Variants in CHRM2 observed in about 807,000 individuals in gnomAD.
CHRM2 encodes the protein cholinergic receptor muscarinic 2.
CHRM2 carries 8 observed loss-of-function variants against 25.0 expected under a neutral mutation model. The observed-to-expected ratio is 0.32, with a 90% CI of 0.19 to 0.58. The LOEUF is 0.58. Ranked by LOEUF, CHRM2 falls within the 20% of genes least tolerant of loss-of-function variation. The pLI is 0.88. For missense variants in CHRM2, 440 were observed against 567.1 expected (o/e 0.78, Z 2.28); for synonymous variants, 202 against 205.7 (o/e 0.98, Z 0.15).
chr7:136,931,002 T>G (rs969575478), intron 2 of CHRM2, among the ~76,000 whole-genome samples: 1 of 151,114 alleles, frequency 6.6e-6, no homozygotes, highest in Admixed American at 6.6e-5. Flanking sequence ...AGGATGTCAG[T>G]CACAGGAACA....
chr7:136,997,662 T>C (rs1009009620), intron 3 of CHRM2, among the ~76,000 whole-genome samples: 35 of 152,296 alleles, frequency 2.3e-4, no homozygotes, highest in African/African-American at 7.7e-4. Context: ...CATAATACTG[T>C]ACAAGAAAGA....
chr7:136,947,855 G>A (rs1341001181), intron 2 of CHRM2, among the ~76,000 whole-genome samples: 1 of 152,110 alleles, frequency 6.6e-6, no homozygotes, highest in Admixed American at 6.6e-5. Context: ...TGGCAAGGAT[G>A]GGTAACTAGG....
At chr7:136,871,907 T>C (rs148428863) in intron 2 of CHRM2, 26 of 149,914 alleles carry the variant, frequency 1.7e-4, no homozygotes, top group African/African-American at 5.6e-4. Context: ...ATTATTATTG[T>C]TACTACTATT....
Position 137,015,658 on chromosome 7 carries a change from GCC to G in CHRM2, c.797_798del (p.Pro266GlnfsTer6). ...GCACAACAAAATCCAGAATGGCAAAGCCCCCAGGGATCCTGTGACTGAAAACT... is the reference window on the plus strand; with the variant it reads ...GCACAACAAAATCCAGAATGGCAAAGCCCAGGGATCCTGTGACTGAAAACT... ...LEHNKIQNGK[A>X]PRDPVTENCV... is the part of the protein sequence containing the mutation. On this transcript the variant is annotated frameshift_variant, in exon 4 of 4. Transcript: ENST00000680005. LOFTEE classifies it high-confidence loss of function. The surrounding 1 kb of genome is among the most constrained non-coding windows in gnomAD (Gnocchi z 5.1). 1 of 1,613,050 alleles carries G rather than the reference GCC, an allele frequency of 6.2e-7. No individual in the cohort carries two copies. Among genetic ancestry groups the G allele is most frequent in the Non-Finnish European group, 8.5e-7 (1 of 1,179,542 alleles).
At chr7:137,000,897 A>G (rs901453663) in intron 3 of CHRM2, among the ~76,000 whole-genome samples, 2 of 152,192 alleles carry the variant, frequency 1.3e-5, no homozygotes, top group Non-Finnish European at 2.9e-5. Context: ...TTTGAGTTTT[A>G]TAACTCCATT....
chr7:136,992,940 A>C (rs547595462), intron 3 of CHRM2, among the ~76,000 whole-genome samples: 30 of 152,336 alleles, frequency 2.0e-4, no homozygotes, highest in African/African-American at 6.7e-4. Flanking sequence ...GAGGCCCTGC[A>C]TTATTAAGAA....
At chr7:136,917,384 G>T (rs73158724) in intron 2 of CHRM2, among the ~76,000 whole-genome samples, 22,070 of 151,776 alleles carry the variant, frequency 0.15, 1,972 homozygotes, top group East Asian at 0.4. Context: ...GCATCTCTTT[G>T]CCTCCTGTTG....
intron 2 of CHRM2, among the ~76,000 whole-genome samples, chr7:136,909,662 T>C (rs1797734578): frequency 6.6e-6 from 1 of 151,938 alleles, no homozygotes; most frequent in South Asian, 2.1e-4. Flanking sequence ...CATACACACA[T>C]ATATGCATAC....
intron 2 of CHRM2, among the ~76,000 whole-genome samples, chr7:136,990,252 G>A (rs1803130683): frequency 6.6e-6 from 1 of 151,868 alleles, no homozygotes; most frequent in South Asian, 2.1e-4. Context: ...TTTATATTGG[G>A]GTTCACTCTT....
At chr7:136,988,454 C>G (rs1169604525) in intron 2 of CHRM2, among the ~76,000 whole-genome samples, 10 of 151,984 alleles carry the variant, frequency 6.6e-5, no homozygotes. Flanking sequence ...GTTATGTGCT[C>G]TACATATATT....
chr7:136,874,255 T>C (rs1169992982), intron 2 of CHRM2, among the ~76,000 whole-genome samples: 5 of 152,242 alleles, frequency 3.3e-5, no homozygotes, highest in Non-Finnish European at 7.3e-5. Context: ...AAAAGTATAA[T>C]GTTACTTTGT....
intron 2 of CHRM2, among the ~76,000 whole-genome samples, chr7:136,962,283 G>C (rs183383687): frequency 2.0e-5 from 3 of 151,884 alleles, no homozygotes; most frequent in East Asian, 1.9e-4. Flanking sequence ...ACAGGCATGC[G>C]CCACCATGCT....
At chr7:136,888,839 G>T (rs2130548080) in intron 2 of CHRM2, among the ~76,000 whole-genome samples, 1 of 152,108 alleles carries the variant, frequency 6.6e-6, no homozygotes, top group African/African-American at 2.4e-5. Context: ...GAAGTCAGGA[G>T]ATCGAGACCA....
chr7:137,011,215 G>GTGTGTATATATATATATATATA, intron 3 of CHRM2, among the ~76,000 whole-genome samples: 1 of 134,282 alleles, frequency 7.4e-6, no homozygotes, highest in African/African-American at 3.2e-5. Context: ...GTGTGTGTGT[G>GTGTGTATATATATATATATATA]TATATATATA....
chr7:136,957,610 G>T (rs1800802012), intron 2 of CHRM2, among the ~76,000 whole-genome samples: 1 of 152,140 alleles, frequency 6.6e-6, no homozygotes, highest in African/African-American at 2.4e-5. Flanking sequence ...GTATTTATGG[G>T]ATGACATGTA....
At position 136,900,664 on chromosome 7, in the gene CHRM2, C is replaced by G. The variant is rs554622150; in HGVS notation, c.-125+31246C>G. ...ACATGAGGCATTCTAAGAAATGGCA[C>G]AGAATTGCTCGTCTCATAATTATCT... On this transcript the variant is annotated intron_variant, in intron 2 of 3. Coordinates refer to ENST00000680005, the MANE Select transcript of CHRM2 (RefSeq NM_001006630.2). Among the ~76,000 whole-genome samples, 6 of 152,138 alleles carry G rather than the reference C, an allele frequency of 3.9e-5. No individual in the cohort carries two copies. The East Asian group carries it at 1.2e-3, about 29-fold the overall frequency.
chr7:136,916,952 T>A (rs966772187), intron 2 of CHRM2, among the ~76,000 whole-genome samples: 1 of 151,780 alleles, frequency 6.6e-6, no homozygotes, highest in Non-Finnish European at 1.5e-5. Flanking sequence ...TTCACAAAAA[T>A]TCTGTGTATA....
intron 2 of CHRM2, among the ~76,000 whole-genome samples, chr7:136,886,214 A>G (rs896806192): frequency 6.6e-6 from 1 of 152,214 alleles, no homozygotes; most frequent in African/African-American, 2.4e-5. Flanking sequence ...CTAGCTTATG[A>G]TGTCTGCCAA....
chr7:136,891,120 TTC>T (rs1405520133), intron 2 of CHRM2, among the ~76,000 whole-genome samples: 1 of 152,210 alleles, frequency 6.6e-6, no homozygotes, highest in African/African-American at 2.4e-5. Context: ...TCACCTAGTT[TTC>T]TCTGTTACTA....
Sources: gnomAD v4.1 joint callset for allele counts (sites outside exome capture counted in the v4.1 genomes callset) on GRCh38, gnomAD v4.1.1 for gene constraint, Gnocchi (gnomAD v3.1) non-coding constraint, MANE v1.5 for transcripts, NCBI Gene and HGNC (gene_info 2026-07-23, HGNC 2026-07-21) for gene names.